The following FANCB variants were observed in gnomAD, a reference collection of about 807,000 sequenced individuals.
FANCB encodes Fanconi anemia group B protein.
FANCB carries 5 observed loss-of-function variants against 38.9 expected under a neutral mutation model. The ratio of observed to expected loss-of-function variants is 0.13; its 90% confidence interval spans 0.07 to 0.27. FANCB has a LOEUF of 0.27. Among genes scored for constraint, FANCB ranks in the 10% least tolerant of loss-of-function variants. The pLI is 1.00. For missense variants in FANCB, 573 were observed against 602.7 expected (o/e 0.95, Z 0.52); for synonymous variants, 236 against 215.4 (o/e 1.10, Z -0.84).
the FANCB span, among the ~76,000 whole-genome samples, chrX:14,718,418 G>T: frequency 7.1e-5 from 8 of 111,989 alleles, no homozygotes; most frequent in Non-Finnish European, 1.5e-4. Context: ...TGTAATATTT[G>T]GCACAACGAT....
the FANCB span, among the ~76,000 whole-genome samples, chrX:14,750,982 C>T: frequency 9.0e-6 from 1 of 110,648 alleles, no homozygotes; most frequent in East Asian, 2.9e-4. Context: ...ATTTATTTAA[C>T]CCTTCCAAAC....
chrX:14,746,953 G>A, the FANCB span, among the ~76,000 whole-genome samples: 12 of 111,626 alleles, frequency 1.1e-4, no homozygotes, highest in Admixed American at 7.6e-4. Context: ...AACATTACAT[G>A]GTTTGTGATG....
chrX:14,803,782 T>C, the FANCB span, among the ~76,000 whole-genome samples: 2 of 110,315 alleles, frequency 1.8e-5, no homozygotes, highest in Non-Finnish European at 3.8e-5. Flanking sequence ...CCAACAAATT[T>C]ACAAGAAAAA....
the FANCB span, among the ~76,000 whole-genome samples, chrX:14,809,530 C>T: frequency 8.9e-6 from 1 of 111,953 alleles, no homozygotes; most frequent in Non-Finnish European, 1.9e-5. Context: ...GAGATTATAT[C>T]CTGCACCTGT....
the FANCB span, among the ~76,000 whole-genome samples, chrX:14,794,369 G>A: frequency 3.6e-5 from 4 of 111,313 alleles, no homozygotes; most frequent in African/African-American, 9.8e-5. Context: ...GGGAAAGGAT[G>A]AAAGGTAAAA....
At chrX:14,835,463 A>T (rs1482525412), downstream of FANCB, 8 of 295,054 alleles carry the variant, frequency 2.7e-5, no homozygotes, top group Non-Finnish European at 4.9e-5. Flanking sequence ...ATTAGTGTAG[A>T]GCAGCAGTTC....
At chrX:14,736,079 C>G in the FANCB span, among the ~76,000 whole-genome samples, 3 of 111,197 alleles carry the variant, frequency 2.7e-5, no homozygotes, top group Non-Finnish European at 5.7e-5. Context: ...GCGGACACCC[C>G]TCCCCACACC....
At chrX:14,734,552 C>G in the FANCB span, among the ~76,000 whole-genome samples, 1 of 111,663 alleles carries the variant, frequency 9.0e-6, no homozygotes, top group Non-Finnish European at 1.9e-5. Context: ...ATATTGGCCC[C>G]CACTCTCTTC....
At chrX:14,798,004 T>G in the FANCB span, among the ~76,000 whole-genome samples, 2 of 111,551 alleles carry the variant, frequency 1.8e-5, no homozygotes, top group Non-Finnish European at 3.8e-5. Flanking sequence ...AGCCCTGTGA[T>G]GGGCAATTTG....
rs202067682 is a variant in FANCB at position 14,850,676 on chromosome X, TA to T, written c.1327-3del. On this transcript the variant is annotated splice_polypyrimidine_tract_variant and splice_region_variant and intron_variant, in intron 6 of 9. Transcript: ENST00000650831. ...ACAAAGAGGAACAAGACATTCCTTC[TA>T]AAAAAAAAAGTTTAAATAACTGATT... 0.012 allele frequency: 12,972 copies of T among 1,048,224 alleles called. 294 individuals are homozygous for T. The highest frequency in any genetic ancestry group is 0.11 in the African/African-American group (5,742 of 51,715). 86.4% of individuals were successfully genotyped at this position (1,048,224 alleles called of 1,213,427 possible). A position where few individuals can be genotyped will look rare whatever the true frequency, so the allele number is the denominator to read the frequency against.
chrX:14,816,725 G>C, the FANCB span, among the ~76,000 whole-genome samples: 1 of 112,033 alleles, frequency 8.9e-6, no homozygotes, highest in Non-Finnish European at 1.9e-5. Context: ...TTCTGATTGA[G>C]AACCACTTTT....
chrX:14,848,417 G>A (rs906870335), intron 7 of FANCB, among the ~76,000 whole-genome samples: 2 of 111,352 alleles, frequency 1.8e-5, no homozygotes, highest in Non-Finnish European at 3.8e-5. Context: ...CGCACAGGGG[G>A]CGCCTGTCCA....
chrX:14,787,591 A>G, the FANCB span, among the ~76,000 whole-genome samples: 7 of 110,395 alleles, frequency 6.3e-5, no homozygotes, highest in African/African-American at 2.0e-4. Flanking sequence ...TATGTTAATT[A>G]GCTTGATTTA....
At chrX:14,723,558 G>C in the FANCB span, among the ~76,000 whole-genome samples, 1 of 111,640 alleles carries the variant, frequency 9.0e-6, no homozygotes, top group East Asian at 2.8e-4. Context: ...GGCTCCCCTT[G>C]GTTCTCAAAA....
intron 4 of FANCB, among the ~76,000 whole-genome samples, chrX:14,858,702 T>G (rs1257999577): frequency 1.8e-5 from 2 of 111,395 alleles, no homozygotes; most frequent in East Asian, 2.8e-4. Context: ...TGGAGAAAAT[T>G]AAAATTATGC....
chrX:14,869,811 CAA>C (rs1485291561), intron 1 of FANCB, among the ~76,000 whole-genome samples: 3 of 111,973 alleles, frequency 2.7e-5, no homozygotes, highest in Non-Finnish European at 5.6e-5. Context: ...GCATGGCATT[CAA>C]AACTCTGTTG....
intron 10 of FANCB, among the ~76,000 whole-genome samples, chrX:14,836,955 G>A (rs995927309): frequency 8.9e-6 from 1 of 111,869 alleles, no homozygotes; most frequent in Admixed American, 9.5e-5. Context: ...AAGACTGCAA[G>A]CTTTCTGAAA....
chrX:14,871,076 A>G (rs1207321664), intron 1 of FANCB, among the ~76,000 whole-genome samples: 1 of 111,052 alleles, frequency 9.0e-6, no homozygotes, highest in Non-Finnish European at 1.9e-5. Flanking sequence ...TACAGAATTG[A>G]TCTCACCTTT....
chrX:14,808,608 T>C, the FANCB span, among the ~76,000 whole-genome samples: 1 of 112,425 alleles, frequency 8.9e-6, no homozygotes, highest in South Asian at 3.7e-4. Context: ...GCTAGTATCA[T>C]ACTGAATGGG....
Sources: allele counts gnomAD v4.1 joint callset (sites outside exome capture counted in the v4.1 genomes callset), GRCh38; gene constraint gnomAD v4.1.1; transcripts MANE v1.5; gene names NCBI Gene and HGNC (gene_info 2026-07-23, HGNC 2026-07-21).